Variants in STXBP5 observed in about 807,000 individuals in gnomAD.
STXBP5 encodes syntaxin binding protein 5, also known as syntaxin-binding protein 5.
STXBP5 carries 50 observed loss-of-function variants against 152.4 expected under a neutral mutation model. That is an observed-to-expected ratio of 0.33 (90% CI 0.26 to 0.42). STXBP5 has a LOEUF of 0.42. Ranked by LOEUF, STXBP5 falls within the 10% of genes least tolerant of loss-of-function variation. The pLI, the probability that STXBP5 is intolerant of heterozygous loss-of-function variation, is 1.00. For missense variants in STXBP5, 1,167 were observed against 1,388.6 expected, an observed-to-expected ratio of 0.84 and a Z score of 2.54; for synonymous variants, 492 against 494.7, an observed-to-expected ratio of 0.99 and a Z score of 0.07.
intron 21 of STXBP5, among the ~76,000 whole-genome samples, chr6:147,345,068 A>T (rs1053602081): frequency 1.3e-5 from 2 of 152,170 alleles, no homozygotes; most frequent in Admixed American, 1.3e-4. Flanking sequence ...GGGTATTTTC[A>T]GAAGTCGTCT....
chr6:147,324,269 T>TTTG (rs1783100813), intron 16 of STXBP5, among the ~76,000 whole-genome samples: 1 of 121,618 alleles, frequency 8.2e-6, no homozygotes, highest in Admixed American at 8.2e-5. Context: ...TTTTGGTTTT[T>TTTG]TTTTTTTTTT....
At chr6:147,372,313 C>A (rs565511428) in intron 25 of STXBP5, among the ~76,000 whole-genome samples, 1 of 148,754 alleles carries the variant, frequency 6.7e-6, no homozygotes, top group South Asian at 2.1e-4. Flanking sequence ...AAGGAAGAAA[C>A]CCTGAAAAAT....
intron 21 of STXBP5, among the ~76,000 whole-genome samples, chr6:147,349,491 C>A (rs1304331880): frequency 6.6e-6 from 1 of 152,124 alleles, no homozygotes; most frequent in Non-Finnish European, 1.5e-5. Context: ...GTAAGTTTTA[C>A]ATCAAAAGAA....
At chr6:147,232,165 A>G (rs1423004930) in intron 2 of STXBP5, among the ~76,000 whole-genome samples, 4 of 151,852 alleles carry the variant, frequency 2.6e-5, no homozygotes, top group African/African-American at 7.2e-5. Context: ...ACAGCATCTA[A>G]TGGCAGAGCT....
chr6:147,246,729 A>T (rs1431196303), intron 4 of STXBP5, among the ~76,000 whole-genome samples: 1 of 152,162 alleles, frequency 6.6e-6, no homozygotes, highest in East Asian at 1.9e-4. Context: ...AAAGGGAAGG[A>T]AAATTATTAT....
intron 9 of STXBP5, among the ~76,000 whole-genome samples, chr6:147,301,077 A>G (rs371537797): frequency 2.6e-5 from 4 of 152,124 alleles, no homozygotes; most frequent in South Asian, 2.1e-4. Context: ...TCATCAGGGA[A>G]ATACAAATAA....
chr6:147,287,542 G>A (rs1375593874), intron 8 of STXBP5, among the ~76,000 whole-genome samples: 1 of 152,158 alleles, frequency 6.6e-6, no homozygotes, highest in East Asian at 1.9e-4. Context: ...GAACTGGATT[G>A]TTTGTAACTC....
intron 2 of STXBP5, among the ~76,000 whole-genome samples, chr6:147,232,715 C>T (rs1369944396): frequency 1.3e-5 from 2 of 151,780 alleles, no homozygotes; most frequent in Admixed American, 1.3e-4. Context: ...AGGCACAGTG[C>T]CTAACCATTT....
At chr6:147,211,694 C>G (rs1221318306) in intron 2 of STXBP5, among the ~76,000 whole-genome samples, 2 of 152,254 alleles carry the variant, frequency 1.3e-5, no homozygotes, top group East Asian at 3.9e-4. Flanking sequence ...TCAAGCAATC[C>G]TCCTACCTTG....
At chr6:147,354,971 G>C (rs978600722) in intron 22 of STXBP5, among the ~76,000 whole-genome samples, 18 of 152,104 alleles carry the variant, frequency 1.2e-4, no homozygotes, top group African/African-American at 4.3e-4. Context: ...CAACTATATT[G>C]ATAGGTTCAA....
chr6:147,247,928 T>C (rs1778890334), intron 4 of STXBP5, among the ~76,000 whole-genome samples: 1 of 152,070 alleles, frequency 6.6e-6, no homozygotes, highest in Non-Finnish European at 1.5e-5. Flanking sequence ...TAAAAAGACA[T>C]TAAAAGATTA....
In STXBP5 at chr6:147,221,090, G is replaced by A. The variant is rs1200641375; in HGVS notation, c.249-14160G>A. ...TTTTTAAATAGTTGCTCTAGAATAT[G>A]CAGTATATATTTACTGTTAATCTGG... On this transcript the variant is annotated intron_variant, in intron 2 of 27. Transcript: ENST00000321680. Among the ~76,000 whole-genome samples, 5 of 151,926 alleles carry A rather than the reference G, an allele frequency of 3.3e-5. No homozygotes were observed. The East Asian group carries it at 7.7e-4, about 23-fold the overall frequency.
chr6:147,235,158 G>A (rs1451545962), intron 2 of STXBP5, 92 bp from the exon 3 acceptor site: 1 of 1,059,920 alleles, frequency 9.4e-7, no homozygotes, highest in Non-Finnish European at 1.4e-6. Flanking sequence ...TTGAATATGA[G>A]GTCATTGGAA....
chr6:147,283,396 C>G (rs934995175), intron 8 of STXBP5, among the ~76,000 whole-genome samples: 1 of 152,148 alleles, frequency 6.6e-6, no homozygotes, highest in Non-Finnish European at 1.5e-5. Flanking sequence ...TCATCACAAA[C>G]CTTTCCCCAG....
In STXBP5 at chr6:147,385,100, T is replaced by TG; in HGVS notation, c.*346dup. On this transcript the variant is annotated 3_prime_UTR_variant, in exon 28 of 28. Transcript: ENST00000321680. ...TAAACTTTCATATGCCAAAAGGGTT[T>TG]GTGCCGTTTTATCTGCCATCAGTGT... The TG allele has an allele frequency of 4.0e-6, 1 of 248,144 alleles. No homozygotes were observed. The highest frequency in any genetic ancestry group is 7.7e-6 in the Non-Finnish European group (1 of 130,454). The allele number at this position is 248,144 out of a possible 1,614,324, so 15.4% of individuals were successfully genotyped here. A position where few individuals can be genotyped will look rare whatever the true frequency, so the allele number is the denominator to read the frequency against.
chr6:147,221,659 G>T (rs1030085875), intron 2 of STXBP5, among the ~76,000 whole-genome samples: 16 of 150,180 alleles, frequency 1.1e-4, no homozygotes, highest in African/African-American at 7.3e-5. Context: ...TTGGTAAGGG[G>T]TTTTTTTCCA....
intron 2 of STXBP5, among the ~76,000 whole-genome samples, chr6:147,208,521 T>G (rs569212356): frequency 6.6e-6 from 1 of 152,288 alleles, no homozygotes; most frequent in South Asian, 2.1e-4. Context: ...GGATCTTTTG[T>G]ATATTTTCCT....
At position 147,278,169 on chromosome 6, in the gene STXBP5, C is replaced by T; in HGVS notation, c.803C>T (p.Ser268Phe). ...ACCTTGACTATATGGAATGTAAGGTCCCCTGCTAAACCAGTACAGACAATC... is the reference window on the plus strand; with the variant it reads ...ACCTTGACTATATGGAATGTAAGGTTCCCTGCTAAACCAGTACAGACAATC... ...DGTLTIWNVRSPAKPVQTITP... is the reference protein window; with the variant it reads ...DGTLTIWNVRFPAKPVQTITP... The change falls in exon 8 of 28, where the codon TCC becomes TTC. Residue 268 changes from serine (S) to phenylalanine (F), a missense_variant. Physicochemically the swap from Ser to Phe is radical, Grantham distance 155. This residue lies in a region of STXBP5 where 310 missense variants were observed against 346.1 expected (regional missense o/e 0.90). Coordinates refer to ENST00000321680, the MANE Select transcript of STXBP5 (RefSeq NM_001127715.4). The T allele has an allele frequency of 6.2e-7, 1 of 1,612,624 alleles. No homozygotes were observed. Among genetic ancestry groups the T allele is most frequent in the Non-Finnish European group, 8.5e-7 (1 of 1,179,124 alleles).
chr6:147,377,263 A>C (rs1276505284), intron 26 of STXBP5, among the ~76,000 whole-genome samples: 1 of 152,216 alleles, frequency 6.6e-6, no homozygotes, highest in African/African-American at 2.4e-5. Context: ...CAAAGAATTT[A>C]TGACCATTGG....
Sources: allele counts gnomAD v4.1 joint callset (sites outside exome capture counted in the v4.1 genomes callset), GRCh38; gene constraint gnomAD v4.1.1; regional missense constraint gnomAD v4.1.1; transcripts MANE v1.5; gene names NCBI Gene and HGNC (gene_info 2026-07-23, HGNC 2026-07-21).